AGAP1: variants seen among roughly 807,000 people sequenced by gnomAD.
AGAP1 encodes the protein ArfGAP with GTPase domain, ankyrin repeat and PH domain 1, also known as arf-GAP with GTPase, ANK repeat and PH domain-containing protein 1.
A neutral mutation model predicts 105.3 loss-of-function variants in AGAP1; 29 were observed. The observed-to-expected ratio is 0.28, with a 90% CI of 0.21 to 0.38. AGAP1 has a LOEUF of 0.38. Among genes scored for constraint, AGAP1 ranks in the 10% least tolerant of loss-of-function variants. The pLI, the probability that AGAP1 is intolerant of heterozygous loss-of-function variation, is 1.00. For synonymous variants in AGAP1, 509 were observed against 485.9 expected, an observed-to-expected ratio of 1.05 and a Z score of -0.63; for missense variants, 998 against 1,165.1, an observed-to-expected ratio of 0.86 and a Z score of 2.09.
rs559121253 is a variant in AGAP1, at chr2:235,684,842, A to C, written c.164-24337A>C. ...TTAGGAATTGTGACCAACAGGAGAG[A>C]CTATCTGGCATTAGGAACACCAGGG... On this transcript the variant is annotated intron_variant, in intron 1 of 17. Coordinates refer to ENST00000304032, the MANE Select transcript of AGAP1 (RefSeq NM_001037131.3). Among the ~76,000 whole-genome samples, 6 of 152,270 alleles carry C rather than the reference A, an allele frequency of 3.9e-5. No homozygotes were observed. In the South Asian group the frequency reaches 1.2e-3, roughly 32 times the overall value.
In AGAP1 at chr2:235,906,021, G is replaced by A. The variant is rs1382405664; in HGVS notation, c.1156-2717G>A. 6.6e-6 allele frequency among the ~76,000 whole-genome samples: 1 copy of A among 152,146 alleles called. No individual in the cohort carries two copies. On this transcript the variant is annotated intron_variant, in intron 10 of 17. Coordinates refer to ENST00000304032, the MANE Select transcript of AGAP1 (RefSeq NM_001037131.3). This position sits in a 1 kb window ranked among gnomAD's most constrained non-coding sequence, Gnocchi z 5.3. The stretch of plus-strand genomic sequence containing the variant: ...TTCGGGGGCTGGTGAAGTCAGATTT[G>A]TTGTTCCCAGCCCAGATACCACCCT...
rs755765090 is a variant in AGAP1 at position 235,582,322 on chromosome 2, G to A, written c.163+87473G>A. On this transcript the variant is annotated intron_variant, in intron 1 of 17. Coordinates refer to ENST00000304032, the MANE Select transcript of AGAP1 (RefSeq NM_001037131.3). This position sits in a 1 kb window ranked among gnomAD's most constrained non-coding sequence, Gnocchi z 4.7. ...CCGAGGTGGTGTGGCTCTTTGTGCT[G>A]GCATTTAGGGTGTCACTAAAGCCCA... Among the ~76,000 whole-genome samples, 11 of 152,108 alleles carry A rather than the reference G, an allele frequency of 7.2e-5. No individual in the cohort carries two copies. The highest frequency in any genetic ancestry group is 2.1e-4 in the South Asian group (1 of 4,818).
rs529390016 is a variant in AGAP1 at position 236,000,599 on chromosome 2, G to A, written c.1645+31976G>A. On this transcript the variant is annotated intron_variant, in intron 13 of 17. Transcript: ENST00000304032. This position sits in a 1 kb window ranked among gnomAD's most constrained non-coding sequence, Gnocchi z 4.3. ...GCAGAGGCTGGGCGAACACCAGCCC[G>A]AGCCTGACTTAAGCAGGATGGGCAT... is the stretch of plus-strand genomic sequence containing the variant. Among the ~76,000 whole-genome samples, 3 of 152,136 alleles carry A rather than the reference G, an allele frequency of 2.0e-5. No homozygotes were observed. Among genetic ancestry groups the A allele is most frequent in the Non-Finnish European group, 4.4e-5 (3 of 68,036 alleles).
In AGAP1 at chr2:236,020,619, C is replaced by A. The variant is rs139083188; in HGVS notation, c.1646-15942C>A. Among the ~76,000 whole-genome samples the A allele has an allele frequency of 5.8e-3, 882 of 152,282 alleles. 5 individuals carry two copies. Among genetic ancestry groups the A allele is most frequent in the African/African-American group, 0.02 (832 of 41,558 alleles). Reference sequence around the variant, plus strand: ...TCTTCCTCGCATGCAGACAATAAAACCTACCTTGAAGGGTAATTGAAGAAG... The same window carrying A: ...TCTTCCTCGCATGCAGACAATAAAAACTACCTTGAAGGGTAATTGAAGAAG... On this transcript the variant is annotated intron_variant, in intron 13 of 17. Coordinates refer to ENST00000304032, the MANE Select transcript of AGAP1 (RefSeq NM_001037131.3). The surrounding 1 kb of genome is among the most constrained non-coding windows in gnomAD (Gnocchi z 5.0).
rs892679442 is a variant in AGAP1, at chr2:235,751,198, G to A, written c.673+710G>A. Among the ~76,000 whole-genome samples, 2 of 152,022 alleles carry A rather than the reference G, an allele frequency of 1.3e-5. No individual in the cohort carries two copies. Among genetic ancestry groups the A allele is most frequent in the African/African-American group, 2.4e-5 (1 of 41,388 alleles). On this transcript the variant is annotated intron_variant, in intron 6 of 17. Transcript: ENST00000304032. This position sits in a 1 kb window ranked among gnomAD's most constrained non-coding sequence, Gnocchi z 5.3. ...GCGTGGGGTGGGCGGGAGAGGTGGC[G>A]TCACCCTGGGGATAGGAGGGTCTGG...
At chr2:235,746,898 T>C (rs1244115134) in intron 5 of AGAP1, among the ~76,000 whole-genome samples, 1 of 152,040 alleles carries the variant, frequency 6.6e-6, no homozygotes, top group Non-Finnish European at 1.5e-5. Flanking sequence ...GTTCTCTGAG[T>C]TCTGAGTACA....
At position 235,977,031 on chromosome 2, in the gene AGAP1, A is replaced by C. The variant is rs546131801; in HGVS notation, c.1645+8408A>C. The stretch of plus-strand genomic sequence containing the variant: ...TACTCACAAGGTCCCTTTCTAAGAT[A>C]CAGAAATGTGACGGACCTCAACTCC... On this transcript the variant is annotated intron_variant, in intron 13 of 17. Coordinates refer to ENST00000304032, the MANE Select transcript of AGAP1 (RefSeq NM_001037131.3). The surrounding 1 kb of genome is among the most constrained non-coding windows in gnomAD (Gnocchi z 5.2). Among the ~76,000 whole-genome samples the C allele has an allele frequency of 6.6e-6, 1 of 152,292 alleles. No homozygotes were observed. Among genetic ancestry groups the C allele is most frequent in the Admixed American group, 6.5e-5 (1 of 15,304 alleles).
chr2:235,858,048 C>T (rs572309566), intron 9 of AGAP1, among the ~76,000 whole-genome samples: 26 of 152,210 alleles, frequency 1.7e-4, no homozygotes, highest in Non-Finnish European at 3.1e-4. Flanking sequence ...ATCACCACTT[C>T]GGGAGAATGT....
At chr2:236,054,008 C>T (rs1043914172) in intron 16 of AGAP1, among the ~76,000 whole-genome samples, 3 of 152,118 alleles carry the variant, frequency 2.0e-5, no homozygotes, top group African/African-American at 7.2e-5. Context: ...AAGATGTCGC[C>T]TTCGATAGGA....
intron 8 of AGAP1, among the ~76,000 whole-genome samples, chr2:235,805,871 C>T (rs1957810948): frequency 6.6e-6 from 1 of 152,228 alleles, no homozygotes; most frequent in African/African-American, 2.4e-5. Context: ...GAAACAAGTG[C>T]ACAGTGCTTG....
At chr2:235,722,127 G>A (rs1340162525) in intron 3 of AGAP1, among the ~76,000 whole-genome samples, 1 of 152,226 alleles carries the variant, frequency 6.6e-6, no homozygotes, top group African/African-American at 2.4e-5. Flanking sequence ...CTCTTGTATA[G>A]ACAGATTCCT....
Position 235,840,809 on chromosome 2 carries a change from G to C in AGAP1, c.1050+33478G>C, listed in dbSNP as rs921956745. On this transcript the variant is annotated intron_variant, in intron 9 of 17. Transcript: ENST00000304032. ...TAAATGAGGGACACTTGTGCTGAAG[G>C]TATGTATTTGGGAATCATACAGAAA... Among the ~76,000 whole-genome samples, 4 of 151,908 alleles carry C rather than the reference G, an allele frequency of 2.6e-5. No homozygotes were observed. The East Asian group carries it at 7.8e-4, about 29-fold the overall frequency.
intron 13 of AGAP1, among the ~76,000 whole-genome samples, chr2:236,008,087 G>T (rs923678944): frequency 1.3e-5 from 2 of 152,226 alleles, no homozygotes; most frequent in Non-Finnish European, 2.9e-5. Flanking sequence ...CAAGTATTCA[G>T]TCCTAACATA....
Position 235,610,484 on chromosome 2 carries a change from G to A in AGAP1, c.164-98695G>A, listed in dbSNP as rs148374584. Among the ~76,000 whole-genome samples, 8 of 152,214 alleles carry A rather than the reference G, an allele frequency of 5.3e-5. No homozygotes were observed. Among genetic ancestry groups the A allele is most frequent in the African/African-American group, 1.9e-4 (8 of 41,522 alleles). On this transcript the variant is annotated intron_variant, in intron 1 of 17. Transcript: ENST00000304032. The surrounding 1 kb of genome is among the most constrained non-coding windows in gnomAD (Gnocchi z 4.9). Reference sequence around the variant, plus strand: ...ATGTCTGCCTTCTTGCTATCCTCACGTGGTGCAGAGCATGCCAGCTCTCTG... The same window carrying A: ...ATGTCTGCCTTCTTGCTATCCTCACATGGTGCAGAGCATGCCAGCTCTCTG...
At chr2:235,939,690 C>T (rs1202966029) in intron 12 of AGAP1, among the ~76,000 whole-genome samples, 5 of 152,150 alleles carry the variant, frequency 3.3e-5, no homozygotes, top group Non-Finnish European at 5.9e-5. Flanking sequence ...CCTTGGTTCC[C>T]GTGGTAATCT....
intron 2 of AGAP1, among the ~76,000 whole-genome samples, chr2:235,709,891 C>G (rs747454529): frequency 1.3e-5 from 2 of 152,094 alleles, no homozygotes; most frequent in African/African-American, 2.4e-5. Flanking sequence ...CAACCAGGTT[C>G]TTTGTCGTGA....
intron 4 of AGAP1, among the ~76,000 whole-genome samples, chr2:235,742,425 T>A (rs890617977): frequency 1.3e-5 from 2 of 152,238 alleles, no homozygotes; most frequent in Non-Finnish European, 2.9e-5. Context: ...TTAAAGTGTG[T>A]AACATTTTGT....
At chr2:235,836,906 T>G (rs945090586) in intron 9 of AGAP1, among the ~76,000 whole-genome samples, 1 of 152,002 alleles carries the variant, frequency 6.6e-6, no homozygotes, top group Non-Finnish European at 1.5e-5. Flanking sequence ...TCTAGGTGAT[T>G]CACAATGCAG....
chr2:235,814,180 C>T lies in AGAP1; in HGVS notation c.1050+6849C>T, dbSNP rs147947998. Among the ~76,000 whole-genome samples the T allele has an allele frequency of 5.0e-3, 765 of 152,344 alleles. 4 individuals carry two copies. The highest frequency in any genetic ancestry group is 0.027 in the Middle Eastern group (8 of 294). ...GCAAGAACTGGAATGCCTGTCCTCG[C>T]CTATGTCTGTGGGCACAGGCCCAAG... On this transcript the variant is annotated intron_variant, in intron 9 of 17. Coordinates refer to ENST00000304032, the MANE Select transcript of AGAP1 (RefSeq NM_001037131.3).
Sources: gnomAD v4.1 joint callset for allele counts (sites outside exome capture counted in the v4.1 genomes callset) on GRCh38, gnomAD v4.1.1 for gene constraint, Gnocchi (gnomAD v3.1) non-coding constraint, MANE v1.5 for transcripts, NCBI Gene and HGNC (gene_info 2026-07-23, HGNC 2026-07-21) for gene names.